The following HYDIN variants were observed in gnomAD, a reference collection of about 807,000 sequenced individuals.
The protein encoded by HYDIN is axonemal central pair apparatus protein HYDIN.
Under a neutral mutation model 403.9 loss-of-function variants are expected in HYDIN, and 132 were observed. That is an observed-to-expected ratio of 0.33 (90% CI 0.28 to 0.38). The LOEUF is 0.38. Ranked by LOEUF, HYDIN falls within the 10% of genes least tolerant of loss-of-function variation. HYDIN has a pLI of 1.00. For synonymous variants in HYDIN, 1,202 were observed against 1,891.7 expected (o/e 0.64, Z 9.46); for missense variants, 2,827 against 5,009.5 (o/e 0.56, Z 13.15).
intron 45 of HYDIN, among the ~76,000 whole-genome samples, chr16:70,928,541 T>C (rs2077224069): frequency 1.3e-5 from 2 of 149,794 alleles, no homozygotes; most frequent in African/African-American, 4.9e-5. Context: ...TCTTGCATCT[T>C]CAACAGAAAC....
intron 10 of HYDIN, among the ~76,000 whole-genome samples, chr16:71,102,304 A>G (rs1037203185): frequency 1.3e-5 from 2 of 152,068 alleles, no homozygotes; most frequent in Non-Finnish European, 2.9e-5. Context: ...ATTATTCCTT[A>G]TATCTTAACT....
At chr16:70,999,022 C>T (rs911978213) in intron 23 of HYDIN, among the ~76,000 whole-genome samples, 3 of 152,216 alleles carry the variant, frequency 2.0e-5, no homozygotes, top group Non-Finnish European at 4.4e-5. Flanking sequence ...ATACTTCCAA[C>T]TGGTCACGTG....
At chr16:71,134,487 AT>A (rs1271607122) in intron 8 of HYDIN, among the ~76,000 whole-genome samples, 15 of 152,202 alleles carry the variant, frequency 9.9e-5, no homozygotes, top group African/African-American at 3.4e-4. Context: ...TCAAAAGAGG[AT>A]TCACCCCATT....
Position 71,148,836 on chromosome 16 carries a change from G to A in HYDIN, c.841+3823C>T, listed in dbSNP as rs897398227. 2.9e-5 allele frequency among the ~76,000 whole-genome samples: 4 copies of A among 137,672 alleles called. 1 individual carries two copies. Among genetic ancestry groups the A allele is most frequent in the African/African-American group, 1.2e-4 (4 of 32,422 alleles). The allele number at this position is 137,672 out of a possible 152,430, so 90.3% of individuals were successfully genotyped here. On this transcript the variant is annotated intron_variant, in intron 7 of 85. Coordinates refer to ENST00000393567, the MANE Select transcript of HYDIN (RefSeq NM_001270974.2). ...TGCAATGGCTTGGTCTCAGCTCACT[G>A]CAACCTCTGCCTCCCGGGTTCAAGC... is the stretch of plus-strand genomic sequence containing the variant.
chr16:70,978,322 A>T (rs1798547), intron 30 of HYDIN, among the ~76,000 whole-genome samples: 9 of 146,164 alleles, frequency 6.2e-5, no homozygotes, highest in Non-Finnish European at 9.1e-5. Context: ...CACTGTCATC[A>T]CCATTGCTTA....
In HYDIN at chr16:70,920,873, G is replaced by C. The variant is rs757857711; in HGVS notation, c.7503C>G (p.Pro2501=). 19 of 1,607,388 alleles carry C rather than the reference G, an allele frequency of 1.2e-5. No individual in the cohort carries two copies. In the African/African-American group the frequency reaches 1.3e-4, roughly 11 times the overall value. ...CCTTGCGGCCCCTGCGCCCACCCAA[G>C]GGGACCTGGCGCTGGTCGTCGGGCT... ...PHEPDDQRQV[P]LGGRRGRKDR... Residue 2501 remains proline (P), a synonymous_variant, in exon 46 of 86, where the codon CCC becomes CCG. Coordinates refer to ENST00000393567, the MANE Select transcript of HYDIN (RefSeq NM_001270974.2).
intron 78 of HYDIN, among the ~76,000 whole-genome samples, chr16:70,835,346 A>G (rs1472004958): frequency 6.6e-6 from 1 of 152,094 alleles, no homozygotes; most frequent in Non-Finnish European, 1.5e-5. Flanking sequence ...GCTTAAGGAG[A>G]AACACCTGAA....
At position 70,834,043 on chromosome 16, in the gene HYDIN, C is replaced by G. The variant is rs773222135; in HGVS notation, c.13523G>C (p.Cys4508Ser). ...GAAGAGGGGGCGCAGGAGCCCCATG[C>G]ATTCCATGAACACTTCCTCAGAGAA... is the stretch of plus-strand genomic sequence containing the variant. ...PPFSEEVFME[C>S]MGLLRPLFLL... is the part of the protein sequence containing the mutation. The change falls in exon 79 of 86, where the codon TGC (cysteine) becomes TCC (serine). Residue 4508 changes from cysteine to serine, a missense_variant. Coordinates refer to ENST00000393567, the MANE Select transcript of HYDIN (RefSeq NM_001270974.2). 6.6e-5 allele frequency: 105 copies of G among 1,600,372 alleles called. No individual in the cohort carries two copies. The highest frequency in any genetic ancestry group is 8.8e-5 in the Non-Finnish European group (103 of 1,169,020).
chr16:71,068,079 T>C (rs529664094), intron 14 of HYDIN, among the ~76,000 whole-genome samples: 140 of 148,920 alleles, frequency 9.4e-4, no homozygotes, highest in South Asian at 1.5e-3. Context: ...CTAGGAGAGA[T>C]TGAGGGTCAA....
At chr16:70,987,414 G>A (rs1457517970) in intron 27 of HYDIN, among the ~76,000 whole-genome samples, 2 of 151,350 alleles carry the variant, frequency 1.3e-5, no homozygotes, top group African/African-American at 4.9e-5. Context: ...ACTCCCAGGT[G>A]ATTCATAGGC....
At position 71,094,670 on chromosome 16, in the gene HYDIN, T is replaced by C. The variant is rs574627177; in HGVS notation, c.1328-735A>G. On this transcript the variant is annotated intron_variant, in intron 10 of 85. Coordinates refer to ENST00000393567, the MANE Select transcript of HYDIN (RefSeq NM_001270974.2). ...TCAGCATTTTTACGTACACACACAA[T>C]GCTTACGCACAAAGGCAACGTCGTG... Among the ~76,000 whole-genome samples the C allele has an allele frequency of 2.0e-5, 3 of 152,420 alleles. No homozygotes were observed. The East Asian group carries it at 5.8e-4, about 29-fold the overall frequency.
chr16:71,098,577 T>A (rs568438087), intron 10 of HYDIN, among the ~76,000 whole-genome samples: 2 of 151,446 alleles, frequency 1.3e-5, no homozygotes, highest in African/African-American at 4.8e-5. Flanking sequence ...GGGAATAATT[T>A]ACACTCTTTG....
At chr16:70,982,195 A>G in intron 28 of HYDIN, among the ~76,000 whole-genome samples, 1 of 151,912 alleles carries the variant, frequency 6.6e-6, no homozygotes, top group Non-Finnish European at 1.5e-5. Context: ...TACATAAATC[A>G]TATACAATTA....
At chr16:70,987,415 AT>A (rs1214413625) in intron 27 of HYDIN, among the ~76,000 whole-genome samples, 2 of 151,338 alleles carry the variant, frequency 1.3e-5, no homozygotes, top group Non-Finnish European at 2.9e-5. Flanking sequence ...CTCCCAGGTG[AT>A]TCATAGGCAC....
At chr16:70,933,156 G>A (rs535970661) in intron 45 of HYDIN, among the ~76,000 whole-genome samples, 7 of 152,006 alleles carry the variant, frequency 4.6e-5, no homozygotes, top group Non-Finnish European at 7.4e-5. Context: ...AGCAAAGACG[G>A]GTGAGACAGC....
intron 1 of HYDIN, chr16:71,203,810 T>TC (rs1226078681): frequency 4.4e-6 from 2 of 455,612 alleles, no homozygotes; most frequent in African/African-American, 4.0e-5. Context: ...AGAAAATAGT[T>TC]CCCCAGCACA....
rs773450347 is a variant in HYDIN at position 70,833,945 on chromosome 16, A to T, written c.13621T>A (p.Tyr4541Asn). Reference sequence around the variant, plus strand: ...ATGCGACGTGTGGCTTGCGTCTGATACACCACGGGTCCAAAGGGAATATGT... The same window carrying T: ...ATGCGACGTGTGGCTTGCGTCTGATTCACCACGGGTCCAAAGGGAATATGT... ...QEHIPFGPVVYQTQATRRILM... is the reference protein window; with the variant it reads ...QEHIPFGPVVNQTQATRRILM... The change falls in exon 79 of 86, where the codon TAT becomes AAT. Residue 4541 changes from tyrosine to asparagine, a missense_variant. Physicochemically the swap from Tyr to Asn is moderately radical, Grantham distance 143. Coordinates refer to ENST00000393567, the MANE Select transcript of HYDIN (RefSeq NM_001270974.2). 5.0e-6 allele frequency: 8 copies of T among 1,613,434 alleles called. No homozygotes were observed. In the Admixed American group the frequency reaches 1.0e-4, roughly 20 times the overall value.
chr16:71,193,864 T>C (rs1274414727), intron 1 of HYDIN, among the ~76,000 whole-genome samples: 1 of 152,200 alleles, frequency 6.6e-6, no homozygotes, highest in Non-Finnish European at 1.5e-5. Context: ...TTTTCTGCCA[T>C]CTTCTATTCC....
At chr16:71,208,852 T>C (rs557772766) in intron 1 of HYDIN, among the ~76,000 whole-genome samples, 21 of 152,244 alleles carry the variant, frequency 1.4e-4, no homozygotes, top group Middle Eastern at 3.4e-3. Flanking sequence ...CAGGGAGAAA[T>C]TGAATCCCTA....
Sources: allele counts gnomAD v4.1 joint callset (sites outside exome capture counted in the v4.1 genomes callset), GRCh38; gene constraint gnomAD v4.1.1; transcripts MANE v1.5; gene names NCBI Gene and HGNC (gene_info 2026-07-23, HGNC 2026-07-21).